MID1: variants seen among roughly 807,000 people sequenced by gnomAD.
The protein encoded by MID1 is midline 1.
A neutral mutation model predicts 40.4 loss-of-function variants in MID1; 7 were observed. That is an observed-to-expected ratio of 0.17 (90% CI 0.10 to 0.33). The LOEUF (loss-of-function observed/expected upper bound fraction) is 0.33. Among genes scored for constraint, MID1 ranks in the 10% least tolerant of loss-of-function variants. The probability of loss-of-function intolerance (pLI) is 1.00; values close to 1 mark genes in which losing one functional copy is unlikely to be tolerated. For missense variants in MID1, 367 were observed against 558.5 expected, an observed-to-expected ratio of 0.66 and a Z score of 3.46; for synonymous variants, 229 against 221.2, an observed-to-expected ratio of 1.04 and a Z score of -0.31.
intron 1 of MID1, among the ~76,000 whole-genome samples, chrX:10,725,534 C>T (rs1233548754): frequency 8.9e-6 from 1 of 111,880 alleles, no homozygotes; most frequent in Admixed American, 9.5e-5. Context: ...CATTACTGAA[C>T]ATAACCACAA....
chrX:10,825,333 G>A (rs1474079368), intron 1 of MID1, among the ~76,000 whole-genome samples: 2 of 111,875 alleles, frequency 1.8e-5, no homozygotes, highest in Admixed American at 1.9e-4. Context: ...TAACCCTATG[G>A]CTGCAGCTTT....
rs1452289805 is a variant in MID1 at position 10,447,796 on chromosome X, C to T, written c.*1572G>A. ...GACCTTTGGCCACGTGATGCTGAAA[C>T]AATGAGTTCATTGACTTATTTCAGG... is the stretch of plus-strand genomic sequence containing the variant. On this transcript the variant is annotated 3_prime_UTR_variant, in exon 10 of 10. Transcript: ENST00000317552. 1 of 112,164 alleles carries T rather than the reference C, an allele frequency of 8.9e-6. No individual in the cohort carries two copies. Among genetic ancestry groups the T allele is most frequent in the Non-Finnish European group, 1.9e-5 (1 of 53,282 alleles). 9.2% of individuals were successfully genotyped at this position (112,164 alleles called of 1,213,427 possible).
intron 3 of MID1, among the ~76,000 whole-genome samples, chrX:10,512,438 C>T (rs1189161079): frequency 8.9e-6 from 1 of 112,800 alleles, no homozygotes; most frequent in Non-Finnish European, 1.9e-5. Context: ...TATCTGGCTT[C>T]AGGCCACGTA....
chrX:10,740,468 G>C (rs554432157), intron 1 of MID1, among the ~76,000 whole-genome samples: 1 of 112,194 alleles, frequency 8.9e-6, no homozygotes, highest in African/African-American at 3.2e-5. Context: ...AAAGTAAACT[G>C]AACTTTACAA....
intron 1 of MID1, among the ~76,000 whole-genome samples, chrX:10,735,082 G>C (rs1413225728): frequency 9.0e-6 from 1 of 111,608 alleles, no homozygotes; most frequent in Non-Finnish European, 1.9e-5. Flanking sequence ...ACCAAGAGTC[G>C]ATTAGACATA....
chrX:10,805,160 G>A (rs371148934), intron 1 of MID1, among the ~76,000 whole-genome samples: 3 of 109,056 alleles, frequency 2.8e-5, no homozygotes, highest in Non-Finnish European at 3.8e-5. Context: ...ATGCTGGTGC[G>A]CTGCACCCAC....
At chrX:10,820,627 A>T (rs1007401042) in intron 1 of MID1, among the ~76,000 whole-genome samples, 5 of 6,481 alleles carry the variant, frequency 7.7e-4, no homozygotes, top group African/African-American at 3.3e-3. Context: ...CATCTTAAGT[A>T]ACACATGGAC....
intron 1 of MID1, among the ~76,000 whole-genome samples, chrX:10,625,686 TC>T (rs1935988571): frequency 8.9e-6 from 1 of 112,330 alleles, no homozygotes; most frequent in South Asian, 3.7e-4. Context: ...AGCTGACAGT[TC>T]TTTACCAAGT....
intron 1 of MID1, among the ~76,000 whole-genome samples, chrX:10,603,287 G>T (rs1935566533): frequency 9.0e-6 from 1 of 111,626 alleles, no homozygotes; most frequent in South Asian, 3.8e-4. Context: ...TCACACTTTG[G>T]TCATTCATGA....
rs1327594351 is a variant in MID1, at chrX:10,665,367, C to T, written c.-186-44948G>A. On this transcript the variant is annotated intron_variant, in intron 1 of 10. Coordinates refer to the MID1 transcript ENST00000380785. ...CTGGAATTCAAAACACATGCTTGGC[C>T]CCTGACAAGTCAAGCTAGAGTCTGG... 2.7e-5 allele frequency among the ~76,000 whole-genome samples: 3 copies of T among 111,363 alleles called. No individual in the cohort carries two copies. In the South Asian group the frequency reaches 1.1e-3, roughly 42 times the overall value.
At chrX:10,451,428 C>G (rs755269183) in intron 9 of MID1, among the ~76,000 whole-genome samples, 1 of 111,824 alleles carries the variant, frequency 8.9e-6, no homozygotes, top group African/African-American at 3.3e-5. Flanking sequence ...TACAGCTCAT[C>G]ATGACTCCAT....
Position 10,789,747 on chromosome X carries a change from C to G in MID1, c.-187+43807G>C, listed in dbSNP as rs1340789427. 4.5e-5 allele frequency among the ~76,000 whole-genome samples: 5 copies of G among 111,825 alleles called. No homozygotes were observed. In the East Asian group the frequency reaches 1.4e-3, roughly 31 times the overall value. On this transcript the variant is annotated intron_variant, in intron 1 of 10. Coordinates refer to the MID1 transcript ENST00000380785. ...CTTTCTGGAAGTGGCCTAATAATAC[C>G]TAAGTAGGTAGGGTGGGGGATTCCA...
At chrX:10,543,172 C>T (rs1164673249) in intron 2 of MID1, among the ~76,000 whole-genome samples, 1 of 112,218 alleles carries the variant, frequency 8.9e-6, no homozygotes, top group East Asian at 2.8e-4. Flanking sequence ...TCAGGCTCTC[C>T]TATCAACGAT....
intron 1 of MID1, among the ~76,000 whole-genome samples, chrX:10,572,271 C>T (rs950826651): frequency 2.7e-5 from 3 of 109,233 alleles, no homozygotes; most frequent in East Asian, 2.8e-4. Flanking sequence ...AGTATCAGGC[C>T]GGGCATGGTG....
intron 1 of MID1, among the ~76,000 whole-genome samples, chrX:10,824,006 A>G (rs947541328): frequency 2.7e-5 from 3 of 112,341 alleles, no homozygotes; most frequent in Non-Finnish European, 5.6e-5. Flanking sequence ...AAACTTTTGC[A>G]TAGTCTAAAA....
chrX:10,495,804 G>T, intron 3 of MID1, 113 bp from the exon 4 acceptor site: 1 of 574,199 alleles, frequency 1.7e-6, no homozygotes, highest in Non-Finnish European at 3.0e-6. Flanking sequence ...TATTTTAAAT[G>T]TTAACTCTTT....
intron 1 of MID1, among the ~76,000 whole-genome samples, chrX:10,609,779 G>A (rs1339215109): frequency 4.0e-5 from 4 of 101,037 alleles, no homozygotes; most frequent in Non-Finnish European, 7.9e-5. Flanking sequence ...GTGCAGTGGC[G>A]CGATCTCGGC....
chrX:10,533,827 T>C (rs1303070012), intron 2 of MID1, among the ~76,000 whole-genome samples: 1 of 111,822 alleles, frequency 8.9e-6, no homozygotes, highest in Non-Finnish European at 1.9e-5. Context: ...CAATCTTCAA[T>C]TGTATCAAGG....
rs765706233 is a variant in MID1, at chrX:10,459,680, G to C, written c.1413C>G (p.Ser471Arg). 7 of 1,211,618 alleles carry C rather than the reference G, an allele frequency of 5.8e-6. No individual in the cohort carries two copies. In the Admixed American group the frequency reaches 8.7e-5, roughly 15 times the overall value. ...FMVKAINQAG[S>R]RSSEPGKLKT... ...TCAACTTCCCAGGCTCACTGCTGCG[G>C]CTGCCCGCCTGGTTGATGGCCTTGA... is the stretch of plus-strand genomic sequence containing the variant. The change falls in exon 8 of 10, where the codon AGC becomes AGG. Residue 471 changes from serine (S) to arginine (R), a missense_variant. By Grantham distance (110) the Ser-to-Arg change is moderately radical (BLOSUM62 -1). This residue lies in a region of MID1 where 275 missense variants were observed against 383.1 expected (regional missense o/e 0.72). Coordinates refer to ENST00000317552, the MANE Select transcript of MID1 (RefSeq NM_000381.4).
Sources: allele counts gnomAD v4.1 joint callset (sites outside exome capture counted in the v4.1 genomes callset), GRCh38; gene constraint gnomAD v4.1.1; regional missense constraint gnomAD v4.1.1; transcripts MANE v1.5; gene names NCBI Gene and HGNC (gene_info 2026-07-23, HGNC 2026-07-21).